Variants in RHOQ observed in about 807,000 individuals in gnomAD.
RHOQ encodes the protein rho-related GTP-binding protein RhoQ.
RHOQ carries 7 observed loss-of-function variants against 25.8 expected under a neutral mutation model. The ratio of observed to expected loss-of-function variants is 0.27; its 90% confidence interval spans 0.15 to 0.51. The LOEUF (loss-of-function observed/expected upper bound fraction) is 0.51, where lower values mean the gene tolerates loss of function less well. RHOQ is among the 20% of genes least tolerant of loss of function. RHOQ has a pLI of 0.97. For missense variants in RHOQ, 165 were observed against 260.6 expected (o/e 0.63, Z 2.53); for synonymous variants, 97 against 98.6 (o/e 0.98, Z 0.10).
At position 46,548,199 on chromosome 2, in the gene RHOQ, G is replaced by T. The variant is rs1024793050; in HGVS notation, c.201+4387G>T. On this transcript the variant is annotated intron_variant, in intron 2 of 4. Coordinates refer to ENST00000238738, the MANE Select transcript of RHOQ (RefSeq NM_012249.4). The surrounding 1 kb of genome is among the most constrained non-coding windows in gnomAD (Gnocchi z 5.2). ...ATATCTTTTACTCTGGTGTCCCTTG[G>T]TGTTGCTTTTTCAATGACAAGTGAG... Among the ~76,000 whole-genome samples, 3 of 152,214 alleles carry T rather than the reference G, an allele frequency of 2.0e-5. No individual in the cohort carries two copies. The highest frequency in any genetic ancestry group is 7.2e-5 in the African/African-American group (3 of 41,450).
intron 2 of RHOQ, among the ~76,000 whole-genome samples, chr2:46,570,343 G>A (rs1668871963): frequency 1.3e-5 from 2 of 152,132 alleles, no homozygotes; most frequent in Non-Finnish European, 2.9e-5. Flanking sequence ...AGGAGGCAGA[G>A]GCATGAGAAT....
At chr2:46,549,870 C>G (rs763350078) in intron 2 of RHOQ, among the ~76,000 whole-genome samples, 12 of 152,068 alleles carry the variant, frequency 7.9e-5, no homozygotes, top group African/African-American at 2.4e-4. Context: ...CTTTCTCTAC[C>G]ATGTTGCAGT....
intron 1 of RHOQ, 116 bp downstream of exon 1, chr2:46,543,304 G>A: frequency 4.6e-6 from 5 of 1,094,430 alleles, no homozygotes; most frequent in African/African-American, 2.1e-5. Context: ...CTCCCCCGCC[G>A]CGCCCTCTGC....
At chr2:46,578,569 CAAAAAAAAAAAAAAAAAAAA>C (rs755333304) in intron 4 of RHOQ, among the ~76,000 whole-genome samples, 23 of 24,068 alleles carry the variant, frequency 9.6e-4, no homozygotes, top group Admixed American at 6.0e-3. Context: ...CCATCTCTAC[CAAAAAAAAAAAAAAAAAAAA>C]AAAAAAAAAA....
Position 46,546,451 on chromosome 2 carries a change from C to CAT in RHOQ, c.201+2660_201+2661dup, listed in dbSNP as rs58602087. On this transcript the variant is annotated intron_variant, in intron 2 of 4. Coordinates refer to ENST00000238738, the MANE Select transcript of RHOQ (RefSeq NM_012249.4). ...ATATATGTATCCGTATACACATATA[C>CAT]ATATATATATATATATATATATGTG... 8.1e-4 allele frequency among the ~76,000 whole-genome samples: 38 copies of CAT among 47,156 alleles called. 1 individual carries two copies. The highest frequency in any genetic ancestry group is 1.2e-3 in the Non-Finnish European group (29 of 23,278). 30.9% of individuals were successfully genotyped at this position (47,156 alleles called of 152,430 possible).
intron 2 of RHOQ, among the ~76,000 whole-genome samples, chr2:46,546,616 A>T (rs1200725638): frequency 6.7e-6 from 1 of 148,454 alleles, no homozygotes; most frequent in Non-Finnish European, 1.5e-5. Flanking sequence ...TCTCCACCTT[A>T]GCTAGTCATG....
intron 4 of RHOQ, chr2:46,580,207 C>T (rs1181779704): frequency 1.3e-5 from 2 of 152,474 alleles, no homozygotes; most frequent in Non-Finnish European, 1.5e-5. Context: ...TCTGTTCCCT[C>T]TCTGCCTTAC....
rs1053090303 is a variant in RHOQ at position 46,584,598 on chromosome 2, G to A, written c.*3515G>A. 2.0e-5 allele frequency among the ~76,000 whole-genome samples: 3 copies of A among 152,086 alleles called. No individual in the cohort carries two copies. The highest frequency in any genetic ancestry group is 2.1e-4 in the South Asian group (1 of 4,828). ...AAAATTTTGTCTAATGAAGGGTTACGGCTTGGAACACTTGGTTATTCATGT... is the reference window on the plus strand; with the variant it reads ...AAAATTTTGTCTAATGAAGGGTTACAGCTTGGAACACTTGGTTATTCATGT... On this transcript the variant is annotated 3_prime_UTR_variant, in exon 5 of 5. Transcript: ENST00000238738.
chr2:46,564,852 T>C (rs1668682853), intron 2 of RHOQ, among the ~76,000 whole-genome samples: 1 of 152,222 alleles, frequency 6.6e-6, no homozygotes, highest in South Asian at 2.1e-4. Flanking sequence ...CACCTCCCTC[T>C]CCATAGCTAG....
At chr2:46,577,556 C>T (rs2104033038) in intron 4 of RHOQ, among the ~76,000 whole-genome samples, 1 of 147,348 alleles carries the variant, frequency 6.8e-6, no homozygotes, top group South Asian at 2.2e-4. Context: ...CCTGCCACCA[C>T]ACCCGGCTAT....
chr2:46,570,484 C>G (rs529426585), intron 2 of RHOQ, among the ~76,000 whole-genome samples: 1 of 152,006 alleles, frequency 6.6e-6, no homozygotes, highest in African/African-American at 2.4e-5. Context: ...ATAGGCTACT[C>G]TGACCAAGCA....
intron 2 of RHOQ, among the ~76,000 whole-genome samples, chr2:46,546,789 A>G (rs150502109): frequency 1.8e-4 from 28 of 152,170 alleles, no homozygotes; most frequent in African/African-American, 6.0e-4. Context: ...AAATTATTAT[A>G]TTCCACTATG....
At chr2:46,565,831 AG>A (rs1668715188) in intron 2 of RHOQ, among the ~76,000 whole-genome samples, 1 of 152,222 alleles carries the variant, frequency 6.6e-6, no homozygotes, top group South Asian at 2.1e-4. Flanking sequence ...CTGATGCAGA[AG>A]GGGAAGATGC....
At chr2:46,547,996 TC>T (rs1483742311) in intron 2 of RHOQ, among the ~76,000 whole-genome samples, 3 of 152,142 alleles carry the variant, frequency 2.0e-5, no homozygotes, top group Non-Finnish European at 4.4e-5. Context: ...TTTATTCAGG[TC>T]CCAGAATATC....
chr2:46,580,862 T>A, intron 4 of RHOQ, 66 bp from the exon 5 acceptor site: 1 of 1,109,964 alleles, frequency 9.0e-7, no homozygotes, highest in Non-Finnish European at 1.2e-6. Flanking sequence ...TATAATGATG[T>A]GTTTATGTCA....
chr2:46,564,256 G>A (rs758958737), intron 2 of RHOQ, among the ~76,000 whole-genome samples: 10 of 152,154 alleles, frequency 6.6e-5, no homozygotes, highest in African/African-American at 2.4e-4. Context: ...ATTGAGCCAC[G>A]ATCGCACCAC....
chr2:46,581,141 C>G lies in RHOQ; in HGVS notation c.*58C>G. On this transcript the variant is annotated 3_prime_UTR_variant, in exon 5 of 5. Transcript: ENST00000238738. ...TTTCTCTCAGAAAGCAAATGAAATGCTACAGCTATACCCAGACCTTTTATA... is the reference window on the plus strand; with the variant it reads ...TTTCTCTCAGAAAGCAAATGAAATGGTACAGCTATACCCAGACCTTTTATA... The G allele has an allele frequency of 7.4e-7, 1 of 1,355,454 alleles. No individual in the cohort carries two copies. Among genetic ancestry groups the G allele is most frequent in the Non-Finnish European group, 1.0e-6 (1 of 999,264 alleles). The allele number at this position is 1,355,454 out of a possible 1,614,324, so 84.0% of individuals were successfully genotyped here.
Position 46,582,482 on chromosome 2 carries a change from T to C in RHOQ, c.*1399T>C, listed in dbSNP as rs1057899. 25,336 of 152,196 alleles carry C rather than the reference T, an allele frequency of 0.17. 3,396 individuals carry two copies. Among genetic ancestry groups the C allele is most frequent in the African/African-American group, 0.37 (15,363 of 41,468 alleles). 9.4% of individuals were successfully genotyped at this position (152,196 alleles called of 1,614,324 possible). On this transcript the variant is annotated 3_prime_UTR_variant, in exon 5 of 5. Transcript: ENST00000238738. ...TGCTGTGGATCTGCCTTATTGCATA[T>C]GCCATGCATCAGATAATGGATGCAT...
chr2:46,560,636 A>G (rs1004578621), intron 2 of RHOQ: 2 of 456,166 alleles, frequency 4.4e-6, no homozygotes, highest in African/African-American at 4.0e-5. Context: ...TCCAGTGGCC[A>G]GGATCTGTTG....
Sources: allele counts gnomAD v4.1 joint callset (sites outside exome capture counted in the v4.1 genomes callset), GRCh38; gene constraint gnomAD v4.1.1; non-coding constraint Gnocchi (gnomAD v3.1); transcripts MANE v1.5; gene names NCBI Gene and HGNC (gene_info 2026-07-23, HGNC 2026-07-21).